Variants in KIAA0586 observed in about 807,000 individuals in gnomAD.
KIAA0586 encodes the protein protein TALPID3.
KIAA0586 carries 144 observed loss-of-function variants against 169.8 expected under a neutral mutation model. The ratio of observed to expected loss-of-function variants is 0.85; its 90% CI spans 0.74 to 0.97. The LOEUF is 0.97. Among genes scored for constraint, KIAA0586 ranks in the 50% least tolerant of loss-of-function variants. The probability of loss-of-function intolerance (pLI) is 0.00; values close to 1 mark genes in which losing one functional copy is unlikely to be tolerated. For missense variants in KIAA0586, 1,854 were observed against 1,823.0 expected, an observed-to-expected ratio of 1.02 and a Z score of -0.31; for synonymous variants, 625 against 612.4, an observed-to-expected ratio of 1.02 and a Z score of -0.30.
intron 29 of KIAA0586, among the ~76,000 whole-genome samples, chr14:58,538,655 G>A (rs1267805784): frequency 6.6e-6 from 1 of 150,840 alleles, no homozygotes; most frequent in Admixed American, 6.6e-5. Flanking sequence ...GCAAATTACT[G>A]GGCCTAATTC....
At chr14:58,486,008 G>T (rs2042410671) in intron 21 of KIAA0586, among the ~76,000 whole-genome samples, 1 of 151,984 alleles carries the variant, frequency 6.6e-6, no homozygotes, top group Non-Finnish European at 1.5e-5. Context: ...GGTATAGGGG[G>T]TACATGTGTG....
Position 58,512,572 on chromosome 14 carries a change from A to C in KIAA0586, c.4374A>C (p.Ser1458=). The change falls in exon 29 of 31, where the codon TCA becomes TCC. Residue 1458 remains serine, a synonymous_variant. Transcript: ENST00000652326. ...TTAAGCAAGTTGAACACAAACCATC[A>C]CAAAGTTACCTACGTGTTAGAAATA... ...QDVKQVEHKP[S]QSYLRVRNKS... 1 of 1,547,036 alleles carries C rather than the reference A, an allele frequency of 6.5e-7. No homozygotes were observed. Among genetic ancestry groups the C allele is most frequent in the Non-Finnish European group, 8.7e-7 (1 of 1,155,098 alleles).
In KIAA0586 at chr14:58,448,059, C is replaced by T. The variant is rs57264354; in HGVS notation, c.808-281C>T. 0.015 allele frequency among the ~76,000 whole-genome samples: 2,324 copies of T among 152,196 alleles called. 64 individuals carry two copies. Among genetic ancestry groups the T allele is most frequent in the African/African-American group, 0.053 (2,197 of 41,514 alleles). ...TAGCCGGCTGCAATGGCCCCTGAGC[C>T]ATGTCTGTGGTAGAAAGGACAGCAC... is the stretch of plus-strand genomic sequence containing the variant. On this transcript the variant is annotated intron_variant, in intron 6 of 30. Coordinates refer to ENST00000652326, the MANE Select transcript of KIAA0586 (RefSeq NM_001329943.3).
intron 14 of KIAA0586, among the ~76,000 whole-genome samples, chr14:58,462,732 G>T (rs897037751): frequency 6.6e-6 from 1 of 152,186 alleles, no homozygotes; most frequent in Non-Finnish European, 1.5e-5. Context: ...AACTACCTGA[G>T]ACTGAGTAAT....
chr14:58,473,045 A>G (rs1192330451), intron 18 of KIAA0586, among the ~76,000 whole-genome samples: 1 of 150,246 alleles, frequency 6.7e-6, no homozygotes, highest in African/African-American at 2.4e-5. Flanking sequence ...GTAATTGTTT[A>G]TGCAATATAC....
At chr14:58,509,887 A>C (rs779684638) in intron 28 of KIAA0586, among the ~76,000 whole-genome samples, 5 of 152,242 alleles carry the variant, frequency 3.3e-5, no homozygotes, top group Non-Finnish European at 5.9e-5. Context: ...TAAGAGAATT[A>C]AAAGGCAAGC....
At chr14:58,539,214 G>T (rs544509126) in intron 29 of KIAA0586, among the ~76,000 whole-genome samples, 3 of 152,112 alleles carry the variant, frequency 2.0e-5, no homozygotes, top group African/African-American at 4.8e-5. Flanking sequence ...CTTTTTTATG[G>T]CTGGATAACA....
At position 58,427,898 on chromosome 14, in the gene KIAA0586, C is replaced by T. The variant is rs1184449177; in HGVS notation, c.-367C>T. Reference sequence around the variant, plus strand: ...AAAAATAGCATTTCGCTTTTATTTGCTTGACTGCCTCTTCTCAACAAATTT... The same window carrying T: ...AAAAATAGCATTTCGCTTTTATTTGTTTGACTGCCTCTTCTCAACAAATTT... On this transcript the variant is annotated 5_prime_UTR_variant, in exon 1 of 31. Transcript: ENST00000652326. The T allele has an allele frequency of 2.9e-5, 40 of 1,359,908 alleles. No homozygotes were observed. The highest frequency in any genetic ancestry group is 4.7e-5 in the South Asian group (3 of 64,154). The allele number at this position is 1,359,908 out of a possible 1,614,324, so 84.2% of individuals were successfully genotyped here.
At chr14:58,452,775 G>A (rs758860118) in intron 8 of KIAA0586, among the ~76,000 whole-genome samples, 5 of 152,028 alleles carry the variant, frequency 3.3e-5, no homozygotes, top group Non-Finnish European at 7.4e-5. Flanking sequence ...AAACAGTCCT[G>A]CTGCCTTGGC....
chr14:58,492,217 C>G lies in KIAA0586; in HGVS notation c.3932C>G (p.Ser1311Cys). Residue 1311 changes from serine to cysteine, a missense_variant, in exon 26 of 31, where the codon TCT becomes TGT. By Grantham distance (112) the Ser-to-Cys change is moderately radical (BLOSUM62 -1). Coordinates refer to ENST00000652326, the MANE Select transcript of KIAA0586 (RefSeq NM_001329943.3). ...AAATTTCATGCAGATGCAATTCTTT[C>G]TTTTGCTAAACAAAACCAGGAGTCA... ...HKKFHADAIL[S>C]FAKQNQESAV... The G allele has an allele frequency of 6.4e-7, 1 of 1,550,876 alleles. No individual in the cohort carries two copies. The highest frequency in any genetic ancestry group is 8.7e-7 in the Non-Finnish European group (1 of 1,146,512).
chr14:58,530,672 A>C (rs1487054169), intron 29 of KIAA0586, among the ~76,000 whole-genome samples: 1 of 152,180 alleles, frequency 6.6e-6, no homozygotes, highest in Non-Finnish European at 1.5e-5. Flanking sequence ...TCTTCCTTAC[A>C]CCTTATACAA....
Position 58,467,832 on chromosome 14 carries a change from T to C in KIAA0586, c.2352T>C (p.Ser784=). 6.2e-7 allele frequency: 1 copy of C among 1,613,698 alleles called. No individual in the cohort carries two copies. The highest frequency in any genetic ancestry group is 8.5e-7 in the Non-Finnish European group (1 of 1,179,708). The change falls in exon 16 of 31, where the codon TCT becomes TCC. Residue 784 remains serine (S), a synonymous_variant. Transcript: ENST00000652326. ...TGACTACTTCTATTCCTCCATCATC[T>C]CGAAAAGTAGAAACTGGAGTAAAGA... The part of the protein sequence containing the change: ...VTVTTSIPPS[S]RKVETGVKKP...
At position 58,549,816 on chromosome 14, in the gene KIAA0586, A is replaced by C. The variant is rs1289967318; in HGVS notation, c.*1884A>C. 1 of 152,164 alleles carries C rather than the reference A, an allele frequency of 6.6e-6. No homozygotes were observed. The highest frequency in any genetic ancestry group is 2.4e-5 in the African/African-American group (1 of 41,414). 9.4% of individuals were successfully genotyped at this position (152,164 alleles called of 1,614,324 possible). A position where few individuals can be genotyped will look rare whatever the true frequency, so the allele number is the denominator to read the frequency against. On this transcript the variant is annotated 3_prime_UTR_variant, in exon 31 of 31. Transcript: ENST00000652326. Reference sequence around the variant, plus strand: ...TTTTCATAGTTTTTTCTGCCTTGGAAGGATTTCAGCAAAATCTTGTTTTAG... The same window carrying C: ...TTTTCATAGTTTTTTCTGCCTTGGACGGATTTCAGCAAAATCTTGTTTTAG...
At chr14:58,532,244 G>A (rs2046023151) in intron 29 of KIAA0586, among the ~76,000 whole-genome samples, 1 of 152,020 alleles carries the variant, frequency 6.6e-6, no homozygotes, top group Non-Finnish European at 1.5e-5. Flanking sequence ...GCAGACAAGA[G>A]GAGGTAAATA....
intron 23 of KIAA0586, among the ~76,000 whole-genome samples, 195 bp from the exon 24 acceptor site, chr14:58,488,422 CTCTG>C (rs2042618503): frequency 1.3e-5 from 2 of 152,008 alleles, no homozygotes; most frequent in African/African-American, 4.8e-5. Context: ...TTTTATATCT[CTCTG>C]TATGGAAGAG....
At chr14:58,476,647 G>C (rs960437524) in intron 19 of KIAA0586, among the ~76,000 whole-genome samples, 4 of 140,066 alleles carry the variant, frequency 2.9e-5, no homozygotes, top group African/African-American at 1.0e-4. Context: ...TGTTTAGTGT[G>C]TTTTATCTTC....
intron 26 of KIAA0586, among the ~76,000 whole-genome samples, chr14:58,493,883 A>C (rs2042984623): frequency 6.6e-6 from 1 of 152,140 alleles, no homozygotes; most frequent in East Asian, 1.9e-4. Context: ...GGAGAGAGAA[A>C]GAGGGAGAGG....
At chr14:58,547,712 CGCAAA>C in intron 30 of KIAA0586, 64 bp from the exon 31 acceptor site, 3 of 1,160,130 alleles carry the variant, frequency 2.6e-6, no homozygotes, top group Non-Finnish European at 3.7e-6. Flanking sequence ...CATATTATTT[CGCAAA>C]GCATAAAGCA....
chr14:58,434,904 C>T (rs746503887), intron 4 of KIAA0586, among the ~76,000 whole-genome samples: 2 of 151,656 alleles, frequency 1.3e-5, no homozygotes, highest in African/African-American at 4.8e-5. Flanking sequence ...CCCTAACCGC[C>T]CCCCCGCCAG....
Sources: gnomAD v4.1 joint callset for allele counts (sites outside exome capture counted in the v4.1 genomes callset) on GRCh38, gnomAD v4.1.1 for gene constraint, MANE v1.5 for transcripts, NCBI Gene and HGNC (gene_info 2026-07-23, HGNC 2026-07-21) for gene names.